ZNF487: variants seen among roughly 807,000 people sequenced by gnomAD.
The protein encoded by ZNF487 is zinc finger protein 487.
ZNF487 carries 4 observed loss-of-function variants against 3.0 expected under a neutral mutation model. The observed-to-expected ratio is 1.35, with a 90% confidence interval of 0.66 to 3.08. ZNF487 has a LOEUF of 3.08. ZNF487 is among the 30% of genes most tolerant of loss of function. ZNF487 has a pLI of 0.01. For synonymous variants in ZNF487, 55 were observed against 34.6 expected, an observed-to-expected ratio of 1.59 and a Z score of -2.06; for missense variants, 146 against 98.7, an observed-to-expected ratio of 1.48 and a Z score of -2.03.
At chr10:43,463,029 G>A (rs1840489874) in intron 1 of ZNF487, among the ~76,000 whole-genome samples, 3 of 152,030 alleles carry the variant, frequency 2.0e-5, no homozygotes, top group South Asian at 4.1e-4. Flanking sequence ...GAGGTCGGGA[G>A]TTTGAGACCA....
chr10:43,493,564 G>A, the ZNF487 span, among the ~76,000 whole-genome samples: 4 of 151,388 alleles, frequency 2.6e-5, no homozygotes, highest in African/African-American at 9.7e-5. Context: ...GGTGATGCAT[G>A]CTCGTAGTCC....
intron 1 of ZNF487, among the ~76,000 whole-genome samples, chr10:43,455,894 G>A (rs936466545): frequency 6.6e-6 from 1 of 152,252 alleles, no homozygotes; most frequent in African/African-American, 2.4e-5. Flanking sequence ...CCAGGAAGGA[G>A]GCGGGCACCG....
chr10:43,457,538 A>AG (rs1840254792), intron 1 of ZNF487, among the ~76,000 whole-genome samples: 1 of 138,930 alleles, frequency 7.2e-6, no homozygotes, highest in South Asian at 2.4e-4. Context: ...CTGGGCGACA[A>AG]AGCAAGACTC....
At chr10:43,504,126 G>A in the ZNF487 span, among the ~76,000 whole-genome samples, 5 of 152,178 alleles carry the variant, frequency 3.3e-5, 1 homozygote, top group African/African-American at 1.2e-4. Context: ...TCTCAGAAAT[G>A]TGTCACTGTC....
chr10:43,439,391 C>G (rs1443268585), intron 1 of ZNF487, among the ~76,000 whole-genome samples: 7 of 151,876 alleles, frequency 4.6e-5, no homozygotes, highest in Admixed American at 2.0e-4. Context: ...CAGAGCAAGA[C>G]TCCATCTCTT....
At chr10:43,480,740 T>A (rs548825587) in intron 3 of ZNF487, among the ~76,000 whole-genome samples, 15 of 151,920 alleles carry the variant, frequency 9.9e-5, no homozygotes, top group African/African-American at 3.4e-4. Context: ...TTTTTTTTTT[T>A]AATAATTCAA....
intron 1 of ZNF487, among the ~76,000 whole-genome samples, chr10:43,444,532 T>C (rs1378978724): frequency 2.0e-5 from 3 of 152,128 alleles, no homozygotes; most frequent in Admixed American, 1.3e-4. Flanking sequence ...TTAGGTTTCA[T>C]TGAGCTTCTT....
the ZNF487 span, among the ~76,000 whole-genome samples, chr10:43,493,687 C>CAAAAAAA: frequency 8.2e-4 from 11 of 13,456 alleles, no homozygotes; most frequent in African/African-American, 2.2e-3. Flanking sequence ...GACCCTTCCT[C>CAAAAAAA]AAAAAAAGAA....
At chr10:43,475,167 C>G (rs1468351463) in intron 1 of ZNF487, among the ~76,000 whole-genome samples, 2 of 152,082 alleles carry the variant, frequency 1.3e-5, no homozygotes, top group Non-Finnish European at 1.5e-5. Flanking sequence ...CTCCGGGGAC[C>G]CTCCCTTATC....
chr10:43,493,417 TG>T, the ZNF487 span, among the ~76,000 whole-genome samples: 4 of 150,500 alleles, frequency 2.7e-5, no homozygotes, highest in African/African-American at 9.8e-5. Flanking sequence ...GCTAACAACC[TG>T]GCGTGATGGC....
At chr10:43,455,004 G>T (rs1589029963) in intron 1 of ZNF487, among the ~76,000 whole-genome samples, 1 of 139,322 alleles carries the variant, frequency 7.2e-6, no homozygotes, top group African/African-American at 2.6e-5. Flanking sequence ...TTTTCTTTTA[G>T]TTTGCACTTT....
rs1430888112 is a variant in ZNF487, at chr10:43,482,574, C to A, written c.*652C>A. 9.8e-6 allele frequency: 5 copies of A among 509,608 alleles called. No homozygotes were observed. Among genetic ancestry groups the A allele is most frequent in the South Asian group, 4.4e-5 (3 of 68,524 alleles). The allele number at this position is 509,608 out of a possible 1,614,324, so 31.6% of individuals were successfully genotyped here. On this transcript the variant is annotated 3_prime_UTR_variant, in exon 4 of 4. Transcript: ENST00000437590. ...TCAGAGAACACACACAGGAGAGAAA[C>A]CCTATGGATGTAATGAATGTCAGAA...
intron 1 of ZNF487, among the ~76,000 whole-genome samples, chr10:43,464,617 A>T (rs1263571464): frequency 1.3e-5 from 2 of 152,204 alleles, no homozygotes; most frequent in African/African-American, 4.8e-5. Flanking sequence ...AACAAAGCAC[A>T]TCTTGCACCG....
At chr10:43,496,992 C>T in the ZNF487 span, among the ~76,000 whole-genome samples, 1 of 152,114 alleles carries the variant, frequency 6.6e-6, no homozygotes, top group Non-Finnish European at 1.5e-5. Context: ...AATACACTTC[C>T]AAGTAATGAC....
chr10:43,437,536 C>T (rs1839432204), intron 1 of ZNF487, among the ~76,000 whole-genome samples: 1 of 151,290 alleles, frequency 6.6e-6, no homozygotes, highest in Non-Finnish European at 1.5e-5. Context: ...GACGAGTGAC[C>T]CTGGACCTAG....
chr10:43,504,515 G>A, the ZNF487 span, among the ~76,000 whole-genome samples: 98,861 of 151,508 alleles, frequency 0.65, 34,028 homozygotes, highest in Non-Finnish European at 0.77. Flanking sequence ...CAAGCTGGTC[G>A]TGAACTCCTG....
the ZNF487 span, among the ~76,000 whole-genome samples, chr10:43,509,534 G>A: frequency 1.3e-5 from 2 of 149,050 alleles, no homozygotes; most frequent in Non-Finnish European, 3.0e-5. Context: ...CCCACAACAC[G>A]CCATCTGCAA....
the ZNF487 span, among the ~76,000 whole-genome samples, chr10:43,492,889 C>T: frequency 2.6e-5 from 4 of 152,092 alleles, no homozygotes; most frequent in Non-Finnish European, 5.9e-5. Context: ...ATAAAAATCT[C>T]TAATAGAATT....
At chr10:43,475,386 G>A (rs183927771) in intron 1 of ZNF487, among the ~76,000 whole-genome samples, 33 of 151,956 alleles carry the variant, frequency 2.2e-4, no homozygotes, top group African/African-American at 7.2e-4. Context: ...GTGGTGGTGC[G>A]TGCCTGTTGT....
Sources: allele counts gnomAD v4.1 joint callset (sites outside exome capture counted in the v4.1 genomes callset), GRCh38; gene constraint gnomAD v4.1.1; transcripts MANE v1.5; gene names NCBI Gene and HGNC (gene_info 2026-07-23, HGNC 2026-07-21).